The following TCAIM variants were observed in gnomAD, a reference collection of about 807,000 sequenced individuals.
The protein encoded by TCAIM is T-cell activation inhibitor, mitochondrial.
A neutral mutation model predicts 58.6 loss-of-function variants in TCAIM; 36 were observed. The ratio of observed to expected loss-of-function variants is 0.61; its 90% CI spans 0.47 to 0.81. The LOEUF (loss-of-function observed/expected upper bound fraction) is 0.81, where lower values mean the gene tolerates loss of function less well. Among genes scored for constraint, TCAIM ranks in the 30% least tolerant of loss-of-function variants. The probability of loss-of-function intolerance (pLI) is 0.00; values close to 1 mark genes in which losing one functional copy is unlikely to be tolerated. For missense variants in TCAIM, 466 were observed against 579.6 expected, an observed-to-expected ratio of 0.80 and a Z score of 2.01; for synonymous variants, 172 against 193.6, an observed-to-expected ratio of 0.89 and a Z score of 0.93.
At chr3:44,374,823 A>G (rs1701539483) in intron 5 of TCAIM, among the ~76,000 whole-genome samples, 1 of 152,190 alleles carries the variant, frequency 6.6e-6, no homozygotes, top group African/African-American at 2.4e-5. Flanking sequence ...TGAAAATAAA[A>G]TAAAGGCTGT....
intron 5 of TCAIM, among the ~76,000 whole-genome samples, chr3:44,384,756 C>T (rs1057241690): frequency 3.3e-5 from 5 of 152,118 alleles, no homozygotes; most frequent in Non-Finnish European, 7.4e-5. Flanking sequence ...ATCTTTCTAC[C>T]ACCAGTTTCT....
chr3:44,390,744 G>C lies in TCAIM; in HGVS notation c.573-2111G>C, dbSNP rs201745668. On this transcript the variant is annotated intron_variant, in intron 5 of 10. Coordinates refer to ENST00000342649, the MANE Select transcript of TCAIM (RefSeq NM_173826.4). ...CTAGCATTTTGGCAGGTCGAGGCAG[G>C]AGGATCACTTGAGCCCAGAAGTTTG... Among the ~76,000 whole-genome samples the C allele has an allele frequency of 2.6e-5, 4 of 152,326 alleles. No homozygotes were observed. The East Asian group carries it at 7.7e-4, about 29-fold the overall frequency.
At chr3:44,367,778 G>A in intron 5 of TCAIM, 70 bp downstream of exon 5, 2 of 1,377,030 alleles carry the variant, frequency 1.5e-6, no homozygotes, top group Non-Finnish European at 1.9e-6. Context: ...TTATTGGGAT[G>A]GCAAAAACAT....
chr3:44,385,742 C>G (rs561559958), intron 5 of TCAIM, among the ~76,000 whole-genome samples: 1 of 151,228 alleles, frequency 6.6e-6, no homozygotes, highest in Non-Finnish European at 1.5e-5. Context: ...GACTCCTTCT[C>G]AAAAACAAAA....
At chr3:44,393,773 TAA>T (rs1457159152) in intron 6 of TCAIM, among the ~76,000 whole-genome samples, 1 of 151,948 alleles carries the variant, frequency 6.6e-6, no homozygotes, top group Non-Finnish European at 1.5e-5. Flanking sequence ...ATAATAATAA[TAA>T]GTGTTTTAAA....
intron 6 of TCAIM, among the ~76,000 whole-genome samples, chr3:44,393,502 A>G (rs1701873723): frequency 6.6e-6 from 1 of 152,296 alleles, no homozygotes; most frequent in African/African-American, 2.4e-5. Flanking sequence ...ATATAGATAA[A>G]GAAGTAAGGT....
At chr3:44,363,440 T>A (rs899225621) in intron 4 of TCAIM, among the ~76,000 whole-genome samples, 31 of 152,206 alleles carry the variant, frequency 2.0e-4, no homozygotes, top group Admixed American at 1.4e-3. Context: ...TTTTAAAAAA[T>A]TTTTATTTCT....
intron 4 of TCAIM, among the ~76,000 whole-genome samples, chr3:44,366,790 C>T (rs55661470): frequency 1.2e-3 from 179 of 152,036 alleles, no homozygotes; most frequent in African/African-American, 4.0e-3. Flanking sequence ...TTAGTAGAGA[C>T]GGGGTTTCAC....
At chr3:44,357,625 G>T in intron 2 of TCAIM, 116 bp from the exon 3 acceptor site, 1 of 1,329,648 alleles carries the variant, frequency 7.5e-7, no homozygotes. Context: ...AAACCACAAA[G>T]TATCTATCTT....
Position 44,407,563 on chromosome 3 carries a change from G to GAAC in TCAIM, c.1375_1377dup (p.Gln459dup). Reference sequence around the variant, plus strand: ...GGTGGATTGTTGTAAGAGACTTCTAGAACAATCACTGCCTTACCTACATGG... The same window carrying GAAC: ...GGTGGATTGTTGTAAGAGACTTCTAGAACAACAATCACTGCCTTACCTACATGG... On this transcript the variant is annotated inframe_insertion, in exon 11 of 11. Coordinates refer to ENST00000342649, the MANE Select transcript of TCAIM (RefSeq NM_173826.4). The GAAC allele has an allele frequency of 6.2e-7, 1 of 1,613,974 alleles. No individual in the cohort carries two copies. The highest frequency in any genetic ancestry group is 1.1e-5 in the South Asian group (1 of 91,064).
chr3:44,355,074 A>G (rs1268554291), intron 2 of TCAIM, among the ~76,000 whole-genome samples: 1 of 152,238 alleles, frequency 6.6e-6, no homozygotes, highest in East Asian at 1.9e-4. Context: ...TCCTCTTAAC[A>G]CAATTCACTT....
intron 1 of TCAIM, among the ~76,000 whole-genome samples, chr3:44,346,759 T>C (rs1219959591): frequency 6.6e-6 from 1 of 152,208 alleles, no homozygotes; most frequent in Non-Finnish European, 1.5e-5. Flanking sequence ...AAGGCTAGGC[T>C]AAAACAGTAA....
At chr3:44,395,345 G>A (rs1354466252) in intron 6 of TCAIM, among the ~76,000 whole-genome samples, 2 of 152,086 alleles carry the variant, frequency 1.3e-5, no homozygotes, top group South Asian at 2.1e-4. Context: ...AAGAACCTAC[G>A]TTTCTTGAGC....
At chr3:44,347,098 G>A (rs1420522643) in intron 1 of TCAIM, among the ~76,000 whole-genome samples, 3 of 152,094 alleles carry the variant, frequency 2.0e-5, no homozygotes, top group African/African-American at 7.2e-5. Context: ...GAAGGGGTTG[G>A]GGTTTTGGAG....
At chr3:44,401,082 C>T (rs1702014852) in intron 9 of TCAIM, 121 bp from the exon 10 acceptor site, 1 of 1,408,234 alleles carries the variant, frequency 7.1e-7, no homozygotes, top group Non-Finnish European at 9.5e-7. Context: ...TGTTGCTGTA[C>T]TTTTGAGGTG....
At chr3:44,380,328 A>G (rs1326820878) in intron 5 of TCAIM, among the ~76,000 whole-genome samples, 1 of 152,200 alleles carries the variant, frequency 6.6e-6, no homozygotes, top group Non-Finnish European at 1.5e-5. Flanking sequence ...TGGATATACC[A>G]ATTACACTGA....
At chr3:44,356,822 A>C (rs1701201800) in intron 2 of TCAIM, among the ~76,000 whole-genome samples, 2 of 145,216 alleles carry the variant, frequency 1.4e-5, no homozygotes, top group Admixed American at 1.4e-4. Flanking sequence ...AAAAAAAAAA[A>C]AAAAACAGTC....
chr3:44,395,039 T>C (rs1701912733), intron 6 of TCAIM, among the ~76,000 whole-genome samples: 1 of 145,034 alleles, frequency 6.9e-6, no homozygotes, highest in African/African-American at 2.5e-5. Context: ...TTGAGGACCA[T>C]GGGCATGAGG....
intron 1 of TCAIM, among the ~76,000 whole-genome samples, chr3:44,341,757 G>C (rs1700858591): frequency 1.3e-5 from 2 of 152,008 alleles, no homozygotes. Flanking sequence ...ACTAAATGTG[G>C]CTAAATCCCT....
Sources: gnomAD v4.1 joint callset for allele counts (sites outside exome capture counted in the v4.1 genomes callset) on GRCh38, gnomAD v4.1.1 for gene constraint, MANE v1.5 for transcripts, NCBI Gene and HGNC (gene_info 2026-07-23, HGNC 2026-07-21) for gene names.